Variants in GPD1 observed in about 807,000 individuals in gnomAD.
GPD1 encodes the protein glycerol-3-phosphate dehydrogenase 1.
GPD1 carries 19 observed loss-of-function variants against 34.4 expected under a neutral mutation model. That is an observed-to-expected ratio of 0.55 (90% CI 0.39 to 0.81). The LOEUF is 0.81. Among genes scored for constraint, GPD1 ranks in the 30% least tolerant of loss-of-function variants. The pLI is 0.00. For missense variants in GPD1, 429 were observed against 447.0 expected (o/e 0.96, Z 0.36); for synonymous variants, 172 against 174.1 (o/e 0.99, Z 0.09).
chr12:50,106,362 T>A lies in GPD1; in HGVS notation c.435T>A (p.Ser145Arg). 6.2e-7 allele frequency: 1 copy of A among 1,612,556 alleles called. No individual in the cohort carries two copies. Among genetic ancestry groups the A allele is most frequent in the Non-Finnish European group, 8.5e-7 (1 of 1,178,946 alleles). The change falls in exon 4 of 8, where the codon AGT becomes AGA. Residue 145 changes from serine to arginine, a missense_variant. Transcript: ENST00000301149. ...VIGERLGIPM[S>R]VLMGANIASE... is the part of the protein sequence containing the mutation. ...GGGAGCGCCTCGGCATCCCCATGAG[T>A]GTGCTGATGGGGGCCAACATTGCCA...
chr12:50,106,963 A>G (rs773130724), intron 5 of GPD1, 46 bp downstream of exon 5: 2 of 1,187,602 alleles, frequency 1.7e-6, no homozygotes, highest in Non-Finnish European at 2.5e-6. Context: ...GAAGGCCCCA[A>G]AGGAGGTCTG....
chr12:50,105,049 A>C, intron 2 of GPD1: 1 of 415,428 alleles, frequency 2.4e-6, no homozygotes, highest in African/African-American at 2.0e-5. Flanking sequence ...TCCGGCACTA[A>C]TCCTGTTACT....
chr12:50,107,904 G>A, intron 6 of GPD1, 104 bp downstream of exon 6: 1 of 1,030,600 alleles, frequency 9.7e-7, no homozygotes, highest in Non-Finnish European at 1.5e-6. Context: ...AGACTGTTGT[G>A]CACATCCCCA....
At chr12:50,107,282 T>C (rs1305119590) in intron 5 of GPD1, 1 of 657,766 alleles carries the variant, frequency 1.5e-6, no homozygotes, top group Non-Finnish European at 2.8e-6. Flanking sequence ...CCTGGACAGC[T>C]GTTGACTTGA....
intron 2 of GPD1, 158 bp from the exon 3 acceptor site, chr12:50,105,390 T>C: frequency 1.5e-6 from 1 of 676,172 alleles, no homozygotes; most frequent in East Asian, 2.7e-5. Context: ...GAGTAGAGTG[T>C]CTTATTCCTC....
Position 50,109,802 on chromosome 12 carries a change from C to G in GPD1, c.*283C>G. On this transcript the variant is annotated 3_prime_UTR_variant, in exon 8 of 8. Transcript: ENST00000301149. ...TCCTCTGGGAGGGGTGGAATCAAGC[C>G]CCAGTGCTGCCTGCTTGGTGGCGGG... 1 of 403,060 alleles carries G rather than the reference C, an allele frequency of 2.5e-6. No individual in the cohort carries two copies. Among genetic ancestry groups the G allele is most frequent in the Non-Finnish European group, 4.6e-6 (1 of 215,438 alleles). 25.0% of individuals were successfully genotyped at this position (403,060 alleles called of 1,614,324 possible). A position where few individuals can be genotyped will look rare whatever the true frequency, so the allele number is the denominator to read the frequency against.
In GPD1 at chr12:50,108,021, C is replaced by G; in HGVS notation, c.847-3C>G. ...CCATCCACTCATCCTGTTTTCTGCA[C>G]AGTCCATTGAGCAGCTGGAGAAAGA... On this transcript the variant is annotated splice_polypyrimidine_tract_variant and splice_region_variant and intron_variant, in intron 6 of 7. Coordinates refer to ENST00000301149, the MANE Select transcript of GPD1 (RefSeq NM_005276.4). 1.3e-6 allele frequency: 2 copies of G among 1,594,398 alleles called. No individual in the cohort carries two copies. Among genetic ancestry groups the G allele is most frequent in the Non-Finnish European group, 1.7e-6 (2 of 1,163,516 alleles).
intron 7 of GPD1, 95 bp downstream of exon 7, chr12:50,108,225 A>T: frequency 1.3e-6 from 1 of 744,686 alleles, no homozygotes; most frequent in Non-Finnish European, 2.4e-6. Flanking sequence ...AAATCTGTGA[A>T]GTGGACAGAA....
chr12:50,106,331 T>C lies in GPD1; in HGVS notation c.404T>C (p.Val135Ala), dbSNP rs780365687. The change falls in exon 4 of 8, where the codon GTG becomes GCG. Residue 135 changes from valine to alanine, a missense_variant. Coordinates refer to ENST00000301149, the MANE Select transcript of GPD1 (RefSeq NM_005276.4). ...GPNGLKLISE[V>A]IGERLGIPMS... is the part of the protein sequence containing the mutation. ...AATGGGCTGAAGCTCATCTCGGAAG[T>C]GATTGGGGAGCGCCTCGGCATCCCC... The C allele has an allele frequency of 1.2e-6, 2 of 1,613,276 alleles. No individual in the cohort carries two copies. Among genetic ancestry groups the C allele is most frequent in the Non-Finnish European group, 1.7e-6 (2 of 1,179,670 alleles).
At position 50,109,684 on chromosome 12, in the gene GPD1, C is replaced by A. The variant is rs1052813941; in HGVS notation, c.*165C>A. The A allele has an allele frequency of 1.7e-6, 1 of 581,824 alleles. No individual in the cohort carries two copies. Among genetic ancestry groups the A allele is most frequent in the Non-Finnish European group, 3.1e-6 (1 of 324,168 alleles). 36.0% of individuals were successfully genotyped at this position (581,824 alleles called of 1,614,324 possible). A position where few individuals can be genotyped will look rare whatever the true frequency, so the allele number is the denominator to read the frequency against. ...GGGGCCCAGCTACGCACCTGGAGAT[C>A]CTGAACTGTCAAGCCACTGGCAGCC... On this transcript the variant is annotated 3_prime_UTR_variant, in exon 8 of 8. Transcript: ENST00000301149.
chr12:50,104,454 G>A (rs745555364), intron 1 of GPD1, 120 bp from the exon 2 acceptor site: 6 of 791,876 alleles, frequency 7.6e-6, no homozygotes, highest in Non-Finnish European at 1.1e-5. Flanking sequence ...GAGGTGATAA[G>A]GAAGGTAGGT....
Position 50,104,608 on chromosome 12 carries a change from GCAGCCCAGCTGGCA to G in GPD1, c.80_93del (p.Ala27ValfsTer2), listed in dbSNP as rs1207896867. 1 of 1,613,822 alleles carries G rather than the reference GCAGCCCAGCTGGCA, an allele frequency of 6.2e-7. No individual in the cohort carries two copies. The highest frequency in any genetic ancestry group is 8.5e-7 in the Non-Finnish European group (1 of 1,179,806). On this transcript the variant is annotated frameshift_variant, in exon 2 of 8. Transcript: ENST00000301149. LOFTEE classifies it high-confidence loss of function. Reference sequence around the variant, plus strand: ...CATCGCCAAGATCGTGGGTGGCAATGCAGCCCAGCTGGCACAGTTTGACCCACGGGTGACCATGT... The same window carrying G: ...CATCGCCAAGATCGTGGGTGGCAATGCAGTTTGACCCACGGGTGACCATGT...
chr12:50,104,348 A>G, intron 1 of GPD1: 1 of 705,958 alleles, frequency 1.4e-6, no homozygotes, highest in Non-Finnish European at 2.6e-6. Flanking sequence ...GGGTGGGAAG[A>G]TGAGAAGTGG....
chr12:50,107,899 G>A, intron 6 of GPD1, 99 bp downstream of exon 6: 1 of 1,040,012 alleles, frequency 9.6e-7, no homozygotes, highest in Admixed American at 1.8e-5. Context: ...CATTAAGACT[G>A]TTGTGCACAT....
At chr12:50,108,471 T>C (rs536037013) in intron 7 of GPD1, among the ~76,000 whole-genome samples, 1 of 152,264 alleles carries the variant, frequency 6.6e-6, no homozygotes, top group South Asian at 2.1e-4. Context: ...TTTGAGTCTC[T>C]TCCCCAAGGC....
chr12:50,105,750 T>A, intron 3 of GPD1, 62 bp downstream of exon 3: 1 of 1,549,024 alleles, frequency 6.5e-7, no homozygotes, highest in Middle Eastern at 1.7e-4. Flanking sequence ...GGGTTCAGGG[T>A]GGGTGAAGCA....
At chr12:50,106,547 G>A in intron 4 of GPD1, 121 bp downstream of exon 4, 2 of 979,092 alleles carry the variant, frequency 2.0e-6, no homozygotes, top group South Asian at 2.9e-5. Flanking sequence ...ACAAGCATCA[G>A]AGGTGAAGGA....
intron 7 of GPD1, among the ~76,000 whole-genome samples, chr12:50,109,148 A>AG (rs976547119): frequency 6.6e-6 from 1 of 151,706 alleles, no homozygotes; most frequent in Admixed American, 6.6e-5. Context: ...AAAAAAAAAA[A>AG]AAAAAAAAAA....
chr12:50,106,257 G>A, intron 3 of GPD1, 31 bp from the exon 4 acceptor site: 4 of 1,563,796 alleles, frequency 2.6e-6, no homozygotes, highest in Non-Finnish European at 2.6e-6. Context: ...GGCCCAAAGG[G>A]CACCTGGCCT....
Sources: gnomAD v4.1 joint callset for allele counts (sites outside exome capture counted in the v4.1 genomes callset) on GRCh38, gnomAD v4.1.1 for gene constraint, MANE v1.5 for transcripts, NCBI Gene and HGNC (gene_info 2026-07-23, HGNC 2026-07-21) for gene names.